AASS: variants seen among roughly 807,000 people sequenced by gnomAD.
AASS encodes alpha-aminoadipic semialdehyde synthase, mitochondrial.
A neutral mutation model predicts 105.4 loss-of-function variants in AASS; 86 were observed. That is an observed-to-expected ratio of 0.82 (90% CI 0.69 to 0.98). The LOEUF is 0.98. Among genes scored for constraint, AASS ranks in the 50% least tolerant of loss-of-function variants. The pLI, the probability that AASS is intolerant of heterozygous loss-of-function variation, is 0.00. For synonymous variants in AASS, 381 were observed against 394.8 expected, an observed-to-expected ratio of 0.96 and a Z score of 0.41; for missense variants, 1,048 against 1,143.2, an observed-to-expected ratio of 0.92 and a Z score of 1.20.
At chr7:122,091,380 A>G (rs1793890197) in intron 18 of AASS, among the ~76,000 whole-genome samples, 1 of 152,172 alleles carries the variant, frequency 6.6e-6, no homozygotes, top group African/African-American at 2.4e-5. Flanking sequence ...AGTCCAGCAC[A>G]TAGTAGGTAC....
chr7:122,137,566 A>G (rs929841120), intron 1 of AASS, among the ~76,000 whole-genome samples: 2 of 152,204 alleles, frequency 1.3e-5, no homozygotes, highest in African/African-American at 4.8e-5. Flanking sequence ...GTGCTTAGAA[A>G]AAAAATGGTT....
intron 19 of AASS, among the ~76,000 whole-genome samples, chr7:122,083,833 T>C (rs1793493641): frequency 1.3e-5 from 2 of 152,040 alleles, no homozygotes; most frequent in South Asian, 4.1e-4. Context: ...CTCTGTCATA[T>C]TTGAATGATG....
intron 17 of AASS, 127 bp downstream of exon 17, chr7:122,092,716 C>T: frequency 1.3e-6 from 1 of 797,058 alleles, no homozygotes; most frequent in South Asian, 1.5e-5. Context: ...AAGAGCAAAA[C>T]TCAGTCTCAA....
intron 1 of AASS, among the ~76,000 whole-genome samples, chr7:122,140,050 G>C (rs1188471657): frequency 6.6e-6 from 1 of 152,060 alleles, no homozygotes; most frequent in Non-Finnish European, 1.5e-5. Flanking sequence ...TTTTCATAGA[G>C]CTTTTTACTC....
Position 122,082,992 on chromosome 7 carries a change from G to A in AASS, c.2185-1397C>T, listed in dbSNP as rs1034994505. 61 of 605,272 alleles carry A rather than the reference G, an allele frequency of 1.0e-4. 2 individuals carry two copies. Among genetic ancestry groups the A allele is most frequent in the Non-Finnish European group, 1.6e-5 (6 of 365,754 alleles). The allele number at this position is 605,272 out of a possible 1,614,324, so 37.5% of individuals were successfully genotyped here. On this transcript the variant is annotated intron_variant, in intron 19 of 23. Transcript: ENST00000417368. ...CCCCAGTGTGCAAATGGGAAGCAGG[G>A]TGAGAAGGCTAAGATAAGAAATTTA...
At chr7:122,094,236 T>C (rs996476732) in intron 15 of AASS, among the ~76,000 whole-genome samples, 2 of 152,118 alleles carry the variant, frequency 1.3e-5, no homozygotes, top group Admixed American at 6.6e-5. Context: ...TAACCCCTGA[T>C]TGTAAAATAA....
At chr7:122,083,018 T>G in intron 19 of AASS, 2 of 460,620 alleles carry the variant, frequency 4.3e-6, no homozygotes. Flanking sequence ...AAGAAATTTA[T>G]CTTATCTGCA....
At chr7:122,141,550 A>G (rs938355447) in intron 1 of AASS, among the ~76,000 whole-genome samples, 1 of 152,086 alleles carries the variant, frequency 6.6e-6, no homozygotes, top group South Asian at 2.1e-4. Flanking sequence ...ATAAATGAAA[A>G]AGCAAATTCA....
In AASS at chr7:122,091,861, A is replaced by G. The variant is rs750899741; in HGVS notation, c.1876-18T>C. On this transcript the variant is annotated intron_variant, in intron 17 of 23. Transcript: ENST00000417368. ...GATTCAATCTATAAATTAAAGAATCAATAAATAAGGAAGAATTCACAACTT... is the reference window on the plus strand; with the variant it reads ...GATTCAATCTATAAATTAAAGAATCGATAAATAAGGAAGAATTCACAACTT... 8.4e-6 allele frequency: 13 copies of G among 1,544,900 alleles called. No homozygotes were observed. Among genetic ancestry groups the G allele is most frequent in the Non-Finnish European group, 1.1e-5 (12 of 1,120,176 alleles).
At chr7:122,109,355 A>G (rs893459001) in intron 11 of AASS, among the ~76,000 whole-genome samples, 4 of 152,072 alleles carry the variant, frequency 2.6e-5, no homozygotes, top group African/African-American at 4.8e-5. Flanking sequence ...AATATTTAGC[A>G]AAAAGAACGA....
In AASS at chr7:122,086,086, C is replaced by A. The variant is rs1793609774; in HGVS notation, c.2110G>T (p.Asp704Tyr). The A allele has an allele frequency of 1.9e-6, 3 of 1,613,520 alleles. No individual in the cohort carries two copies. Among genetic ancestry groups the A allele is most frequent in the East Asian group, 4.5e-5 (2 of 44,822 alleles). Residue 704 changes from aspartate (D) to tyrosine (Y), a missense_variant, in exon 19 of 24, where the codon GAC (aspartate) becomes TAC (tyrosine). Asp to Tyr is a radical substitution (Grantham distance 160). Transcript: ENST00000417368. ...TAAATCTCAGCATATTTCGTACTGT[C>A]TCTGTTAGGATAGCCTTCCAAATTT... ...GLNLEGYPNR[D>Y]STKYAEIYGI... is the part of the protein sequence containing the mutation.
At chr7:122,114,412 ACATGC>A (rs1562976883) in intron 9 of AASS, among the ~76,000 whole-genome samples, 3 of 152,178 alleles carry the variant, frequency 2.0e-5, no homozygotes, top group Admixed American at 2.0e-4. Context: ...GATGCCAGTT[ACATGC>A]CTAGAAAAGC....
chr7:122,134,015 C>T (rs1051785121), intron 1 of AASS, among the ~76,000 whole-genome samples: 5 of 152,184 alleles, frequency 3.3e-5, no homozygotes, highest in Admixed American at 1.3e-4. Context: ...TTTAAATACA[C>T]ATTTTATCAA....
At chr7:122,087,539 G>T (rs2150512859) in intron 18 of AASS, among the ~76,000 whole-genome samples, 1 of 152,222 alleles carries the variant, frequency 6.6e-6, no homozygotes, top group South Asian at 2.1e-4. Context: ...TTATTTAATA[G>T]AATTCTAAAT....
intron 1 of AASS, among the ~76,000 whole-genome samples, chr7:122,136,517 C>G (rs1796146079): frequency 6.6e-6 from 1 of 152,176 alleles, no homozygotes; most frequent in African/African-American, 2.4e-5. Context: ...TTCATATCTT[C>G]TGTTTTTTAA....
intron 11 of AASS, among the ~76,000 whole-genome samples, chr7:122,111,823 G>C (rs905842806): frequency 2.0e-5 from 3 of 152,106 alleles, no homozygotes; most frequent in African/African-American, 7.2e-5. Flanking sequence ...AGAATCGCTT[G>C]AACCTGGGAG....
Position 122,129,391 on chromosome 7 carries a change from A to T in AASS, c.357T>A (p.Asn119Lys). 1 of 1,611,678 alleles carries T rather than the reference A, an allele frequency of 6.2e-7. No individual in the cohort carries two copies. The highest frequency in any genetic ancestry group is 8.5e-7 in the Non-Finnish European group (1 of 1,178,480). The stretch of plus-strand genomic sequence containing the variant: ...TTAGAATCTCATCCAACAAGCCCAT[A>T]TTGGCCTCCTGAGCTTTTATTGTGT... ...FSHTIKAQEA[N>K]MGLLDEILKQ... The change falls in exon 3 of 24, where the codon AAT (asparagine) becomes AAA (lysine). Residue 119 changes from asparagine (N) to lysine (K), a missense_variant. Coordinates refer to ENST00000417368, the MANE Select transcript of AASS (RefSeq NM_005763.4).
At chr7:122,081,065 T>G (rs1014306840) in intron 20 of AASS, among the ~76,000 whole-genome samples, 2 of 152,158 alleles carry the variant, frequency 1.3e-5, no homozygotes, top group African/African-American at 2.4e-5. Flanking sequence ...ATCAAATCAC[T>G]CATGGTTATA....
chr7:122,127,092 T>A (rs1390042187), intron 3 of AASS, among the ~76,000 whole-genome samples: 1 of 152,134 alleles, frequency 6.6e-6, no homozygotes, highest in Non-Finnish European at 1.5e-5. Context: ...CTCCTTCCTT[T>A]TACAGGTAAC....
Sources: allele counts gnomAD v4.1 joint callset (sites outside exome capture counted in the v4.1 genomes callset), GRCh38; gene constraint gnomAD v4.1.1; transcripts MANE v1.5; gene names NCBI Gene and HGNC (gene_info 2026-07-23, HGNC 2026-07-21).